The following PTPRA variants were observed in gnomAD, a reference collection of about 807,000 sequenced individuals.
The protein encoded by PTPRA is protein tyrosine phosphatase receptor type A.
PTPRA carries 25 observed loss-of-function variants against 104.8 expected under a neutral mutation model. The observed-to-expected ratio is 0.24, with a 90% CI of 0.17 to 0.33. The LOEUF (loss-of-function observed/expected upper bound fraction) is 0.33. PTPRA is among the 10% of genes least tolerant of loss of function. PTPRA has a pLI of 1.00. For synonymous variants in PTPRA, 323 were observed against 368.9 expected, an observed-to-expected ratio of 0.88 and a Z score of 1.43; for missense variants, 765 against 1,015.3, an observed-to-expected ratio of 0.75 and a Z score of 3.35.
At chr20:2,978,197 G>A (rs2062521727) in intron 6 of PTPRA, among the ~76,000 whole-genome samples, 1 of 152,140 alleles carries the variant, frequency 6.6e-6, no homozygotes, top group Non-Finnish European at 1.5e-5. Context: ...AAGTAACATA[G>A]TCAGATTTTG....
intron 1 of PTPRA, among the ~76,000 whole-genome samples, chr20:2,880,139 G>A (rs1209955823): frequency 2.0e-5 from 3 of 152,228 alleles, no homozygotes; most frequent in Non-Finnish European, 2.9e-5. Context: ...GGATTTTTAA[G>A]CAGGAGAGTG....
chr20:3,004,390 A>G lies in PTPRA; in HGVS notation c.739-666A>G, dbSNP rs145621107. Among the ~76,000 whole-genome samples, 3 of 152,356 alleles carry G rather than the reference A, an allele frequency of 2.0e-5. 1 individual carries two copies. Among genetic ancestry groups the G allele is most frequent in the African/African-American group, 7.2e-5 (3 of 41,588 alleles). ...GCTCAAGTTCATACAAACACAGACT[A>G]TCTCATGTCAGATCATTGTGTGATA... is the stretch of plus-strand genomic sequence containing the variant. On this transcript the variant is annotated intron_variant, in intron 9 of 23. Transcript: ENST00000399903.
In PTPRA at chr20:3,022,679, C is replaced by T. The variant is rs776545307; in HGVS notation, c.1329-10C>T. 2 of 1,614,120 alleles carry T rather than the reference C, an allele frequency of 1.2e-6. No individual in the cohort carries two copies. Among genetic ancestry groups the T allele is most frequent in the Non-Finnish European group, 1.7e-6 (2 of 1,179,992 alleles). On this transcript the variant is annotated splice_polypyrimidine_tract_variant and intron_variant, in intron 15 of 23. Coordinates refer to ENST00000399903, the MANE Select transcript of PTPRA (RefSeq NM_001385305.1). This position sits in a 1 kb window ranked among gnomAD's most constrained non-coding sequence, Gnocchi z 4.6. Reference sequence around the variant, plus strand: ...GGCCATCCCTATAACCCCCTGCTCTCTGGCTACAGTGCAGGTGTAGGGCGT... The same window carrying T: ...GGCCATCCCTATAACCCCCTGCTCTTTGGCTACAGTGCAGGTGTAGGGCGT...
chr20:2,943,894 C>T (rs547402020), intron 2 of PTPRA, among the ~76,000 whole-genome samples: 7 of 152,096 alleles, frequency 4.6e-5, no homozygotes, highest in Middle Eastern at 3.4e-3. Context: ...TTTTTTTTGA[C>T]GAAAATATTT....
At chr20:2,917,028 G>A (rs1390516436) in intron 1 of PTPRA, among the ~76,000 whole-genome samples, 1 of 148,186 alleles carries the variant, frequency 6.7e-6, no homozygotes, top group African/African-American at 2.5e-5. Flanking sequence ...CGTGGTCTTG[G>A]CTCACTGCAA....
chr20:3,017,073 G>A (rs2064500281), intron 12 of PTPRA, among the ~76,000 whole-genome samples: 1 of 152,018 alleles, frequency 6.6e-6, no homozygotes, highest in African/African-American at 2.4e-5. Context: ...TTTAGTCATT[G>A]TGTTTTTTAT....
In PTPRA at chr20:3,005,260, C is replaced by T. The variant is rs149152379; in HGVS notation, c.829+114C>T. 3,482 of 1,024,478 alleles carry T rather than the reference C, an allele frequency of 3.4e-3. 79 individuals are homozygous for T. The African/African-American group carries it at 0.047, about 14-fold the overall frequency. The allele number at this position is 1,024,478 out of a possible 1,614,324, so 63.5% of individuals were successfully genotyped here. On this transcript the variant is annotated intron_variant, in intron 10 of 23. Coordinates refer to ENST00000399903, the MANE Select transcript of PTPRA (RefSeq NM_001385305.1). The stretch of plus-strand genomic sequence containing the variant: ...CACAGCAGGGTGAATAACAAGAGTG[C>T]GTTCATGGCAGTACTCAGTGGCTCA...
At chr20:2,924,247 C>G (rs895492026) in intron 2 of PTPRA, among the ~76,000 whole-genome samples, 3 of 152,076 alleles carry the variant, frequency 2.0e-5, no homozygotes, top group Admixed American at 6.6e-5. Flanking sequence ...ACTAAAATTA[C>G]AAAAATGAGC....
intron 3 of PTPRA, among the ~76,000 whole-genome samples, chr20:2,952,340 C>CTTAT (rs2061382152): frequency 6.6e-6 from 1 of 152,016 alleles, no homozygotes; most frequent in Admixed American, 6.6e-5. Context: ...CTTTCATGTG[C>CTTAT]TTATTTCCCT....
intron 17 of PTPRA, among the ~76,000 whole-genome samples, chr20:3,025,312 G>A (rs2065076983): frequency 6.6e-6 from 1 of 151,984 alleles, no homozygotes; most frequent in South Asian, 2.1e-4. Context: ...AAGTAGCCAG[G>A]CATGATGGCA....
At chr20:2,956,678 A>T (rs1306124182) in intron 3 of PTPRA, among the ~76,000 whole-genome samples, 1 of 150,764 alleles carries the variant, frequency 6.6e-6, no homozygotes, top group Non-Finnish European at 1.5e-5. Context: ...ATAAATAAAT[A>T]AATAAATAAA....
At chr20:2,998,612 G>A (rs960609714) in intron 9 of PTPRA, among the ~76,000 whole-genome samples, 1 of 152,124 alleles carries the variant, frequency 6.6e-6, no homozygotes, top group African/African-American at 2.4e-5. Flanking sequence ...CTGGGTGTTG[G>A]GTCGTTTTAA....
intron 6 of PTPRA, among the ~76,000 whole-genome samples, chr20:2,982,851 C>T (rs1001375168): frequency 6.6e-6 from 1 of 152,096 alleles, no homozygotes; most frequent in Admixed American, 6.5e-5. Context: ...CATGTGCCAC[C>T]ACACCTGGCT....
intron 18 of PTPRA, 69 bp downstream of exon 18, chr20:3,026,849 C>A: frequency 7.8e-7 from 1 of 1,283,614 alleles, no homozygotes; most frequent in Non-Finnish European, 1.1e-6. Context: ...CCTTCCATTT[C>A]TCAGGTACTA....
Position 2,982,357 on chromosome 20 carries a change from G to A in PTPRA, c.443-4408G>A, listed in dbSNP as rs144026130. Among the ~76,000 whole-genome samples, 353 of 152,240 alleles carry A rather than the reference G, an allele frequency of 2.3e-3. No homozygotes were observed. The Middle Eastern group carries it at 0.024, about 10-fold the overall frequency. On this transcript the variant is annotated intron_variant, in intron 6 of 23. Transcript: ENST00000399903. ...CCGCCTCGGCCTCCCAAAGTGCTGG[G>A]ATGTGCCTAATTACTTTCTTATAAT...
At chr20:3,006,461 G>A (rs1261280251) in intron 10 of PTPRA, among the ~76,000 whole-genome samples, 1 of 152,142 alleles carries the variant, frequency 6.6e-6, no homozygotes. Context: ...TTACGTGCAT[G>A]AGCCACCACA....
At chr20:2,961,675 A>C (rs768876303) in intron 3 of PTPRA, among the ~76,000 whole-genome samples, 27 of 152,194 alleles carry the variant, frequency 1.8e-4, no homozygotes, top group Admixed American at 3.3e-4. Flanking sequence ...GTTATATCTA[A>C]AAAGTTCTCG....
At chr20:2,993,940 G>T (rs2063293663) in intron 9 of PTPRA, among the ~76,000 whole-genome samples, 1 of 152,212 alleles carries the variant, frequency 6.6e-6, no homozygotes, top group South Asian at 2.1e-4. Flanking sequence ...CAGACAGACA[G>T]ATCGACAGAC....
In PTPRA at chr20:2,934,967, C is replaced by T. The variant is rs557999417; in HGVS notation, c.-50+11682C>T. 2.1e-3 allele frequency among the ~76,000 whole-genome samples: 313 copies of T among 152,080 alleles called. 2 individuals carry two copies. The highest frequency in any genetic ancestry group is 3.7e-3 in the Non-Finnish European group (253 of 67,986). On this transcript the variant is annotated intron_variant, in intron 2 of 23. Coordinates refer to ENST00000399903, the MANE Select transcript of PTPRA (RefSeq NM_001385305.1). ...GATTAGAGTGGTGAGCCACTGTGCC[C>T]GGCCCCTGAAATCACCTTTTCTGTA...
Sources: gnomAD v4.1 joint callset for allele counts (sites outside exome capture counted in the v4.1 genomes callset) on GRCh38, gnomAD v4.1.1 for gene constraint, Gnocchi (gnomAD v3.1) non-coding constraint, MANE v1.5 for transcripts, NCBI Gene and HGNC (gene_info 2026-07-23, HGNC 2026-07-21) for gene names.